Variants in GHR observed in about 807,000 individuals in gnomAD.
The protein encoded by GHR is growth hormone receptor.
In GHR, 35 loss-of-function variants were observed where a neutral mutation model predicts 67.1. The observed-to-expected ratio is 0.52, with a 90% CI of 0.40 to 0.69. GHR has a LOEUF of 0.69. Among genes scored for constraint, GHR ranks in the 30% least tolerant of loss-of-function variants. The pLI, the probability that GHR is intolerant of heterozygous loss-of-function variation, is 0.00. For synonymous variants in GHR, 272 were observed against 269.1 expected (o/e 1.01, Z -0.10); for missense variants, 792 against 764.6 (o/e 1.04, Z -0.42).
intron 1 of GHR, among the ~76,000 whole-genome samples, chr5:42,507,236 C>A (rs1015037323): frequency 6.6e-6 from 1 of 152,156 alleles, no homozygotes; most frequent in Non-Finnish European, 1.5e-5. Flanking sequence ...AAAAATATTT[C>A]AGTGAAGGTT....
intron 6 of GHR, among the ~76,000 whole-genome samples, chr5:42,706,467 G>A (rs1758180400): frequency 6.6e-6 from 1 of 152,008 alleles, no homozygotes; most frequent in Admixed American, 6.6e-5. Context: ...CTTTGCTAAG[G>A]CCTATGTCCA....
intron 1 of GHR, among the ~76,000 whole-genome samples, chr5:42,511,204 C>T (rs975069524): frequency 6.6e-6 from 1 of 152,200 alleles, no homozygotes; most frequent in Non-Finnish European, 1.5e-5. Context: ...CAGAAGTCCT[C>T]ACGGATTTCT....
intron 2 of GHR, among the ~76,000 whole-genome samples, chr5:42,613,335 C>T (rs991826540): frequency 3.3e-5 from 5 of 152,106 alleles, no homozygotes; most frequent in East Asian, 3.9e-4. Context: ...TTTCTATCTG[C>T]GCTCTCCAGT....
At chr5:42,506,656 A>T (rs1327266209) in intron 1 of GHR, among the ~76,000 whole-genome samples, 1 of 152,184 alleles carries the variant, frequency 6.6e-6, no homozygotes, top group East Asian at 1.9e-4. Flanking sequence ...AGTACATGAA[A>T]ATATATAGTA....
At chr5:42,425,003 T>C (rs1742789319) in intron 1 of GHR, 1 of 985,210 alleles carries the variant, frequency 1.0e-6, no homozygotes, top group South Asian at 4.7e-5. Context: ...CCTGTCTGTT[T>C]GTGCCGCCAG....
chr5:42,516,457 C>T (rs1747241799), intron 1 of GHR, among the ~76,000 whole-genome samples: 1 of 152,032 alleles, frequency 6.6e-6, no homozygotes, highest in Non-Finnish European at 1.5e-5. Context: ...GCTATGTGAT[C>T]CTGGGCTTCA....
At chr5:42,715,950 C>T (rs1303406301) in intron 8 of GHR, among the ~76,000 whole-genome samples, 2 of 152,134 alleles carry the variant, frequency 1.3e-5, no homozygotes, top group East Asian at 3.8e-4. Context: ...CCTGCTTGGG[C>T]CTCTTAGATT....
chr5:42,637,743 T>G (rs901631916), intron 3 of GHR, among the ~76,000 whole-genome samples: 7 of 152,192 alleles, frequency 4.6e-5, no homozygotes, highest in Non-Finnish European at 8.8e-5. Flanking sequence ...TTTGCTGTTA[T>G]GAATAGTCCT....
At chr5:42,562,116 T>C (rs1749641004) in intron 1 of GHR, among the ~76,000 whole-genome samples, 1 of 152,212 alleles carries the variant, frequency 6.6e-6, no homozygotes, top group South Asian at 2.1e-4. Context: ...CACTCTGACG[T>C]TTCCTAGGGA....
Position 42,615,756 on chromosome 5 carries a change from A to G in GHR, c.71-13282A>G, listed in dbSNP as rs950954975. Among the ~76,000 whole-genome samples, 25 of 150,122 alleles carry G rather than the reference A, an allele frequency of 1.7e-4. No homozygotes were observed. The East Asian group carries it at 2.1e-3, about 13-fold the overall frequency. On this transcript the variant is annotated intron_variant, in intron 2 of 9. Coordinates refer to ENST00000230882, the MANE Select transcript of GHR (RefSeq NM_000163.5). ...AAACAAAAAACAAAAAAAAAAAAAC[A>G]TAGAATTAATTGAGTTGTAATCAAA...
intron 2 of GHR, among the ~76,000 whole-genome samples, chr5:42,599,634 G>C (rs1257431968): frequency 6.6e-6 from 1 of 151,908 alleles, no homozygotes; most frequent in Non-Finnish European, 1.5e-5. Flanking sequence ...CAAAGTGCTG[G>C]GATTACAGGC....
chr5:42,523,038 G>A lies in GHR; in HGVS notation c.-11-42826G>A, dbSNP rs559440509. Among the ~76,000 whole-genome samples, 8 of 152,252 alleles carry A rather than the reference G, an allele frequency of 5.3e-5. No homozygotes were observed. The South Asian group carries it at 1.7e-3, about 32-fold the overall frequency. On this transcript the variant is annotated intron_variant, in intron 1 of 9. Coordinates refer to ENST00000230882, the MANE Select transcript of GHR (RefSeq NM_000163.5). ...ACAGGAAGCCCAATGAGGACGTGTG[G>A]CAATAGTTCCTAAAATGAGCAAAGA...
intron 2 of GHR, among the ~76,000 whole-genome samples, chr5:42,612,631 T>C (rs1444915985): frequency 6.6e-6 from 1 of 152,170 alleles, no homozygotes; most frequent in Non-Finnish European, 1.5e-5. Context: ...CTTTCTCTTA[T>C]TATCTGTATT....
intron 1 of GHR, among the ~76,000 whole-genome samples, chr5:42,500,885 T>G (rs1746513262): frequency 6.6e-6 from 1 of 152,248 alleles, no homozygotes; most frequent in Non-Finnish European, 1.5e-5. Flanking sequence ...TTCAGTATTA[T>G]CTGTTGCAAA....
At chr5:42,682,779 T>C (rs1321621944) in intron 3 of GHR, among the ~76,000 whole-genome samples, 1 of 152,250 alleles carries the variant, frequency 6.6e-6, no homozygotes, top group Non-Finnish European at 1.5e-5. Context: ...TCATTTACTC[T>C]GTATTAATAG....
At chr5:42,451,022 T>G (rs1268150770) in intron 1 of GHR, among the ~76,000 whole-genome samples, 1 of 152,210 alleles carries the variant, frequency 6.6e-6, no homozygotes, top group Admixed American at 6.5e-5. Flanking sequence ...TTTCTTAAAT[T>G]TATTGAGACT....
At chr5:42,659,853 G>T (rs1406114838) in intron 3 of GHR, among the ~76,000 whole-genome samples, 3 of 152,132 alleles carry the variant, frequency 2.0e-5, no homozygotes, top group Non-Finnish European at 2.9e-5. Context: ...CCCTTTCCGA[G>T]TCAAAGAAAG....
Position 42,699,307 on chromosome 5 carries a change from G to A in GHR, c.440-517G>A, listed in dbSNP as rs376887737. Among the ~76,000 whole-genome samples the A allele has an allele frequency of 3.1e-4, 42 of 136,754 alleles. 1 individual carries two copies. Among genetic ancestry groups the A allele is most frequent in the Admixed American group, 3.0e-3 (40 of 13,118 alleles). The allele number at this position is 136,754 out of a possible 152,430, so 89.7% of individuals were successfully genotyped here. On this transcript the variant is annotated intron_variant, in intron 5 of 9. Coordinates refer to ENST00000230882, the MANE Select transcript of GHR (RefSeq NM_000163.5). ...GAAAGTACAGCTGACGGAATCTGAC[G>A]GAATATGGATTAGTGAGGCAAAGAT...
At chr5:42,616,656 G>A (rs775647204) in intron 2 of GHR, among the ~76,000 whole-genome samples, 13 of 146,232 alleles carry the variant, frequency 8.9e-5, no homozygotes, top group Non-Finnish European at 1.6e-4. Flanking sequence ...CATGAGACTC[G>A]ATGAGATTCC....
Sources: gnomAD v4.1 joint callset for allele counts (sites outside exome capture counted in the v4.1 genomes callset) on GRCh38, gnomAD v4.1.1 for gene constraint, MANE v1.5 for transcripts, NCBI Gene and HGNC (gene_info 2026-07-23, HGNC 2026-07-21) for gene names.